Variants in LRMDA observed in about 807,000 individuals in gnomAD.
LRMDA encodes leucine rich melanocyte differentiation associated, also known as leucine-rich melanocyte differentiation-associated protein.
A neutral mutation model predicts 29.8 loss-of-function variants in LRMDA; 18 were observed. That is an observed-to-expected ratio of 0.60 (90% confidence interval 0.42 to 0.90). The LOEUF (loss-of-function observed/expected upper bound fraction) is 0.90. LRMDA is among the 40% of genes least tolerant of loss of function. The pLI is 0.00. For missense variants in LRMDA, 273 were observed against 273.9 expected (o/e 1.00, Z 0.02); for synonymous variants, 125 against 109.4 (o/e 1.14, Z -0.89).
chr10:75,606,826 G>A (rs1840962380), intron 2 of LRMDA, among the ~76,000 whole-genome samples: 1 of 152,232 alleles, frequency 6.6e-6, no homozygotes, highest in Non-Finnish European at 1.5e-5. Flanking sequence ...TGGGGGCAAG[G>A]GACAGTGTTG....
intron 2 of LRMDA, among the ~76,000 whole-genome samples, chr10:75,541,748 A>T (rs746207411): frequency 1.3e-5 from 2 of 152,114 alleles, no homozygotes; most frequent in Non-Finnish European, 2.9e-5. Context: ...TAGCCCATTT[A>T]AGTGTCAAAT....
In LRMDA at chr10:75,680,743, C is replaced by T. The variant is rs1589155799; in HGVS notation, c.131+242249C>T. ...AAGAAGTCTTGGCTGGGTGCGGTGGCCCACACCTGTAATCCCAGCACTTTG... is the reference window on the plus strand; with the variant it reads ...AAGAAGTCTTGGCTGGGTGCGGTGGTCCACACCTGTAATCCCAGCACTTTG... On this transcript the variant is annotated intron_variant, in intron 2 of 6. Coordinates refer to ENST00000611255, the MANE Select transcript of LRMDA (RefSeq NM_001305581.2). Among the ~76,000 whole-genome samples the T allele has an allele frequency of 2.0e-5, 3 of 152,142 alleles. No individual in the cohort carries two copies. In the East Asian group the frequency reaches 5.8e-4, roughly 29 times the overall value.
intron 4 of LRMDA, among the ~76,000 whole-genome samples, chr10:76,054,583 C>T (rs952669725): frequency 6.6e-6 from 1 of 151,828 alleles, no homozygotes; most frequent in Non-Finnish European, 1.5e-5. Flanking sequence ...TTTTCTAATA[C>T]TGATGTTTTC....
chr10:75,555,672 C>CAACA (rs1367305822), intron 2 of LRMDA, among the ~76,000 whole-genome samples: 2 of 152,146 alleles, frequency 1.3e-5, no homozygotes, highest in African/African-American at 2.4e-5. Context: ...GTAGTTTCTA[C>CAACA]AACATATCAT....
At chr10:76,043,154 G>A (rs1240922649) in intron 3 of LRMDA, among the ~76,000 whole-genome samples, 2 of 152,168 alleles carry the variant, frequency 1.3e-5, no homozygotes, top group Non-Finnish European at 2.9e-5. Flanking sequence ...TTTAAGTTGT[G>A]TGTGTGTTGA....
chr10:76,360,648 T>C (rs921202831), intron 6 of LRMDA, among the ~76,000 whole-genome samples: 4 of 152,294 alleles, frequency 2.6e-5, no homozygotes, highest in African/African-American at 9.6e-5. Context: ...AAGTCAGTAT[T>C]ATATTCTTAC....
chr10:76,076,625 A>T (rs987451858), intron 5 of LRMDA, among the ~76,000 whole-genome samples: 13 of 152,182 alleles, frequency 8.5e-5, no homozygotes, highest in African/African-American at 2.9e-4. Flanking sequence ...GAGAAAAGTG[A>T]AAGTGAGATC....
chr10:76,185,408 A>C (rs1851129693), intron 5 of LRMDA, among the ~76,000 whole-genome samples: 1 of 152,238 alleles, frequency 6.6e-6, no homozygotes, highest in South Asian at 2.1e-4. Context: ...TCTCTAAGAA[A>C]TATGAATGAT....
chr10:76,419,979 A>T (rs1243284265), intron 6 of LRMDA, among the ~76,000 whole-genome samples: 1 of 152,044 alleles, frequency 6.6e-6, no homozygotes, highest in Non-Finnish European at 1.5e-5. Flanking sequence ...TTGTTTATGG[A>T]TTTTGAATCT....
intron 5 of LRMDA, among the ~76,000 whole-genome samples, chr10:76,251,930 A>G (rs1187848327): frequency 6.6e-6 from 1 of 152,192 alleles, no homozygotes; most frequent in African/African-American, 2.4e-5. Context: ...CCGGCACTAG[A>G]AATCCACTCA....
intron 2 of LRMDA, among the ~76,000 whole-genome samples, chr10:75,750,484 G>A (rs1384231444): frequency 4.1e-5 from 6 of 147,490 alleles, no homozygotes; most frequent in South Asian, 2.2e-4. Context: ...CAGACGGGGC[G>A]GGGGGTGGGG....
At chr10:75,605,195 A>C (rs1254092260) in intron 2 of LRMDA, among the ~76,000 whole-genome samples, 1 of 152,212 alleles carries the variant, frequency 6.6e-6, no homozygotes, top group African/African-American at 2.4e-5. Flanking sequence ...TAGAGACTTG[A>C]ATTCTAAATC....
chr10:75,829,069 T>A (rs1280656799), intron 2 of LRMDA, among the ~76,000 whole-genome samples: 1 of 152,206 alleles, frequency 6.6e-6, no homozygotes, highest in African/African-American at 2.4e-5. Context: ...ATGAGATGAC[T>A]TTTAGCACAA....
At chr10:75,845,592 G>T (rs150108390) in intron 2 of LRMDA, among the ~76,000 whole-genome samples, 15 of 152,308 alleles carry the variant, frequency 9.8e-5, no homozygotes, top group African/African-American at 2.9e-4. Context: ...GAGAAGTCCA[G>T]GATGCCAGGT....
At chr10:75,537,511 A>C (rs949079116) in intron 2 of LRMDA, among the ~76,000 whole-genome samples, 1 of 152,224 alleles carries the variant, frequency 6.6e-6, no homozygotes, top group African/African-American at 2.4e-5. Flanking sequence ...CTCTCAGCAC[A>C]GTGCCTGGCA....
intron 5 of LRMDA, among the ~76,000 whole-genome samples, chr10:76,317,656 C>A (rs1205910025): frequency 6.6e-6 from 1 of 152,176 alleles, no homozygotes; most frequent in African/African-American, 2.4e-5. Context: ...TCACTGCAAC[C>A]TCTGCCTCCC....
At chr10:75,700,054 C>T (rs1842285911) in intron 2 of LRMDA, among the ~76,000 whole-genome samples, 1 of 152,086 alleles carries the variant, frequency 6.6e-6, no homozygotes, top group Non-Finnish European at 1.5e-5. Context: ...TTGATTTCAG[C>T]CCCATGTTAC....
intron 5 of LRMDA, among the ~76,000 whole-genome samples, chr10:76,210,495 A>G (rs2132244807): frequency 6.6e-6 from 1 of 152,290 alleles, no homozygotes; most frequent in South Asian, 2.1e-4. Flanking sequence ...CTCAGTAAAC[A>G]TCTGTTGAAT....
Position 75,431,645 on chromosome 10 carries a change from C to G in LRMDA, c.-80C>G, listed in dbSNP as rs1053115706. On this transcript the variant is annotated 5_prime_UTR_variant, in exon 1 of 7. Transcript: ENST00000611255. ...GCCCAGTGCGGAACTGTGCGCCCGC[C>G]GCGCTCCCCTGCCGCGCTCCCCGCT... is the stretch of plus-strand genomic sequence containing the variant. 65 of 1,175,734 alleles carry G rather than the reference C, an allele frequency of 5.5e-5. No homozygotes were observed. The highest frequency in any genetic ancestry group is 1.2e-5 in the Non-Finnish European group (11 of 947,276). 72.8% of individuals were successfully genotyped at this position (1,175,734 alleles called of 1,614,324 possible).
Sources: allele counts gnomAD v4.1 joint callset (sites outside exome capture counted in the v4.1 genomes callset), GRCh38; gene constraint gnomAD v4.1.1; transcripts MANE v1.5; gene names NCBI Gene and HGNC (gene_info 2026-07-23, HGNC 2026-07-21).